Variants in TFDP2 observed in about 807,000 individuals in gnomAD.
The protein encoded by TFDP2 is transcription factor Dp-2 (E2F dimerization partner 2).
In TFDP2, 17 loss-of-function variants were observed where a neutral mutation model predicts 59.3. The observed-to-expected ratio is 0.29, with a 90% CI of 0.20 to 0.43. TFDP2 has a LOEUF of 0.43. Ranked by LOEUF, TFDP2 falls within the 20% of genes least tolerant of loss-of-function variation. TFDP2 has a pLI of 1.00. For missense variants in TFDP2, 391 were observed against 528.8 expected, an observed-to-expected ratio of 0.74 and a Z score of 2.56; for synonymous variants, 180 against 194.7, an observed-to-expected ratio of 0.92 and a Z score of 0.63.
chr3:142,066,963 T>C (rs1012512372), intron 3 of TFDP2, among the ~76,000 whole-genome samples: 5 of 152,100 alleles, frequency 3.3e-5, no homozygotes. Flanking sequence ...ACCATTCATG[T>C]ATAAAATTCC....
intron 1 of TFDP2, among the ~76,000 whole-genome samples, chr3:142,113,220 T>C (rs1307905574): frequency 6.6e-6 from 1 of 152,168 alleles, no homozygotes; most frequent in Non-Finnish European, 1.5e-5. Context: ...TATCTTTACT[T>C]GAACCATCAA....
chr3:142,034,166 G>A (rs1180136298), intron 3 of TFDP2, among the ~76,000 whole-genome samples: 1 of 148,934 alleles, frequency 6.7e-6, no homozygotes, highest in East Asian at 2.0e-4. Flanking sequence ...CGTGATCTCG[G>A]CTCACCTCAA....
intron 1 of TFDP2, among the ~76,000 whole-genome samples, chr3:142,138,790 T>A (rs969645768): frequency 4.6e-5 from 7 of 152,198 alleles, no homozygotes; most frequent in African/African-American, 1.2e-4. Context: ...TACTTCCAAT[T>A]ATGTGGTCAA....
At chr3:142,089,615 A>C (rs2060933736) in intron 3 of TFDP2, among the ~76,000 whole-genome samples, 1 of 152,172 alleles carries the variant, frequency 6.6e-6, no homozygotes, top group African/African-American at 2.4e-5. Context: ...ATGATGTCCA[A>C]CATCATAGGT....
chr3:142,149,096 G>A (rs1411873111), intron 1 of TFDP2, 87 bp downstream of exon 1: 4 of 396,432 alleles, frequency 1.0e-5, no homozygotes, highest in African/African-American at 2.1e-5. Context: ...GCCCCTGTGC[G>A]CAGGGAGGGA....
intron 3 of TFDP2, among the ~76,000 whole-genome samples, chr3:142,011,829 AC>A (rs1030784201): frequency 3.3e-5 from 5 of 152,070 alleles, no homozygotes; most frequent in African/African-American, 1.2e-4. Flanking sequence ...TGAACAAGTA[AC>A]ACTGTTCCCT....
In TFDP2 at chr3:141,951,251, C is replaced by CCTACA. The variant is rs1369157291; in HGVS notation, c.*1257_*1261dup. The CCTACA allele has an allele frequency of 6.6e-6, 1 of 152,058 alleles. No homozygotes were observed. Among genetic ancestry groups the CCTACA allele is most frequent in the Non-Finnish European group, 1.5e-5 (1 of 67,996 alleles). The allele number at this position is 152,058 out of a possible 1,614,324, so 9.4% of individuals were successfully genotyped here. Reference sequence around the variant, plus strand: ...GGGTCTGGCCATGGTGGCAGGTGTCCCTACACTCTTTCATTCAGAGAAGGA... The same window carrying CCTACA: ...GGGTCTGGCCATGGTGGCAGGTGTCCCTACACTACACTCTTTCATTCAGAGAAGGA... On this transcript the variant is annotated 3_prime_UTR_variant, in exon 13 of 13. Transcript: ENST00000489671.
chr3:142,148,073 TTAGGTG>T (rs2063235827), intron 1 of TFDP2, among the ~76,000 whole-genome samples: 1 of 150,068 alleles, frequency 6.7e-6, no homozygotes, highest in African/African-American at 2.5e-5. Context: ...AAATTATTTA[TTAGGTG>T]AAGATAAATT....
intron 9 of TFDP2, among the ~76,000 whole-genome samples, chr3:141,969,210 T>C (rs1199965759): frequency 1.3e-5 from 1 of 76,972 alleles, no homozygotes; most frequent in Non-Finnish European, 2.7e-5. Context: ...ATATAACATA[T>C]ATATATATCT....
chr3:142,025,777 T>C (rs1946033718), intron 3 of TFDP2, among the ~76,000 whole-genome samples: 1 of 152,182 alleles, frequency 6.6e-6, no homozygotes, highest in Non-Finnish European at 1.5e-5. Flanking sequence ...AGTTTTAGAA[T>C]CTGAATCTTA....
In TFDP2 at chr3:141,950,124, GCCT is replaced by G. The variant is rs1377287774; in HGVS notation, c.*2386_*2388del. ...ACCCAGCCCATGGTTTCCTAACACT[GCCT>G]CACTTTGATCTTGTGTGAAATTGTG... On this transcript the variant is annotated 3_prime_UTR_variant, in exon 13 of 13. Transcript: ENST00000489671. 1 of 152,202 alleles carries G rather than the reference GCCT, an allele frequency of 6.6e-6. No homozygotes were observed. The highest frequency in any genetic ancestry group is 1.5e-5 in the Non-Finnish European group (1 of 68,086). 9.4% of individuals were successfully genotyped at this position (152,202 alleles called of 1,614,324 possible).
chr3:142,047,750 T>C (rs1422337936), intron 3 of TFDP2, among the ~76,000 whole-genome samples: 1 of 151,168 alleles, frequency 6.6e-6, no homozygotes, highest in Non-Finnish European at 1.5e-5. Flanking sequence ...TTTTTTTTTT[T>C]TTTTGAGATG....
intron 6 of TFDP2, among the ~76,000 whole-genome samples, chr3:141,980,238 T>TAAA (rs199763613): frequency 9.0e-6 from 1 of 111,346 alleles, no homozygotes; most frequent in Non-Finnish European, 1.9e-5. Context: ...GTTTCAAAAG[T>TAAA]AAAAAAAAAA....
intron 11 of TFDP2, among the ~76,000 whole-genome samples, chr3:141,956,839 C>T (rs987011921): frequency 6.6e-6 from 1 of 151,160 alleles, no homozygotes; most frequent in Middle Eastern, 3.4e-3. Context: ...GTGGGTGGAT[C>T]GTTTGAGCCC....
chr3:142,058,204 G>A (rs527722614), intron 3 of TFDP2, among the ~76,000 whole-genome samples: 6 of 151,690 alleles, frequency 4.0e-5, no homozygotes, highest in Admixed American at 6.6e-5. Flanking sequence ...ACTAACCCTC[G>A]ATATTAAAAG....
At chr3:141,961,313 G>A (rs902845949) in intron 10 of TFDP2, among the ~76,000 whole-genome samples, 14 of 141,182 alleles carry the variant, frequency 9.9e-5, no homozygotes, top group Admixed American at 2.3e-4. Flanking sequence ...GCACGATCTC[G>A]GCTCAATGCA....
chr3:141,976,046 A>C (rs917416833), intron 7 of TFDP2, among the ~76,000 whole-genome samples: 2 of 151,904 alleles, frequency 1.3e-5, no homozygotes, highest in African/African-American at 2.4e-5. Context: ...ACACCCAGCT[A>C]ATTTTTGTAT....
Position 142,101,835 on chromosome 3 carries a change from G to A in TFDP2, c.-86C>T, listed in dbSNP as rs2061326389. 30 of 757,552 alleles carry A rather than the reference G, an allele frequency of 4.0e-5. 2 individuals are homozygous for A. The South Asian group carries it at 8.5e-4, about 21-fold the overall frequency. The allele number at this position is 757,552 out of a possible 1,614,324, so 46.9% of individuals were successfully genotyped here. Reference sequence around the variant, plus strand: ...CTTCGTCTTCAATAATTCTTTAAAAGAACAACCTGTTAAAGGAAAACAGAG... The same window carrying A: ...CTTCGTCTTCAATAATTCTTTAAAAAAACAACCTGTTAAAGGAAAACAGAG... On this transcript the variant is annotated 5_prime_UTR_variant, in exon 2 of 13. Coordinates refer to ENST00000489671, the MANE Select transcript of TFDP2 (RefSeq NM_001178139.2).
chr3:142,056,190 G>A (rs2059738196), intron 3 of TFDP2, among the ~76,000 whole-genome samples: 2 of 151,312 alleles, frequency 1.3e-5, no homozygotes, highest in Non-Finnish European at 2.9e-5. Flanking sequence ...CTAACCTCAT[G>A]ATCTGCCCAC....
Sources: allele counts gnomAD v4.1 joint callset (sites outside exome capture counted in the v4.1 genomes callset), GRCh38; gene constraint gnomAD v4.1.1; transcripts MANE v1.5; gene names NCBI Gene and HGNC (gene_info 2026-07-23, HGNC 2026-07-21).